JCHAIN: variants seen among roughly 807,000 people sequenced by gnomAD.
The protein encoded by JCHAIN is joining chain of multimeric IgA and IgM, also known as immunoglobulin J chain.
A neutral mutation model predicts 11.1 loss-of-function variants in JCHAIN; 5 were observed. The observed-to-expected ratio is 0.45, with a 90% CI of 0.24 to 0.95. The LOEUF is 0.95. Among genes scored for constraint, JCHAIN ranks in the 40% least tolerant of loss-of-function variants. JCHAIN has a pLI of 0.21. For synonymous variants in JCHAIN, 51 were observed against 67.8 expected, an observed-to-expected ratio of 0.75 and a Z score of 1.22; for missense variants, 165 against 192.7, an observed-to-expected ratio of 0.86 and a Z score of 0.85.
intron 2 of JCHAIN, among the ~76,000 whole-genome samples, chr4:70,660,021 C>G (rs1739024785): frequency 6.6e-6 from 1 of 152,106 alleles, no homozygotes; most frequent in South Asian, 2.1e-4. Context: ...TAAAAAGAAT[C>G]ATTTCATAAA....
chr4:70,664,872 GA>G (rs1217783169), intron 1 of JCHAIN, among the ~76,000 whole-genome samples: 3 of 152,114 alleles, frequency 2.0e-5, no homozygotes, highest in Admixed American at 6.6e-5. Flanking sequence ...AGTTAATATA[GA>G]AAAATATTAG....
intron 1 of JCHAIN, among the ~76,000 whole-genome samples, chr4:70,663,017 G>T (rs1739091264): frequency 6.6e-6 from 1 of 151,894 alleles, no homozygotes; most frequent in South Asian, 2.1e-4. Flanking sequence ...GATATAAAGT[G>T]CTGTAAATTT....
At chr4:70,656,617 C>A in intron 3 of JCHAIN, 78 bp from the exon 4 acceptor site, 1 of 1,059,572 alleles carries the variant, frequency 9.4e-7, no homozygotes. Flanking sequence ...AATCCAAAAT[C>A]AATTAGTTCT....
At chr4:70,659,484 A>G (rs1042170140) in intron 2 of JCHAIN, among the ~76,000 whole-genome samples, 3 of 128,972 alleles carry the variant, frequency 2.3e-5, no homozygotes, top group Non-Finnish European at 4.7e-5. Context: ...TGGGAGGCAG[A>G]GGTTGCAGTG....
In JCHAIN at chr4:70,662,126, T is replaced by G; in HGVS notation, c.154A>C (p.Asn52His). The G allele has an allele frequency of 6.2e-7, 1 of 1,613,542 alleles. No homozygotes were observed. The highest frequency in any genetic ancestry group is 8.5e-7 in the Non-Finnish European group (1 of 1,179,448). ...SRIIRSSEDP[N>H]EDIVERNIRI... ...ATGTTTCTCTCCACAATGTCCTCAT[T>G]AGGATCTTCGGAAGAACGGATGATC... is the stretch of plus-strand genomic sequence containing the variant. Residue 52 changes from asparagine (N) to histidine (H), a missense_variant, in exon 2 of 4, where the codon AAT becomes CAT. Transcript: ENST00000254801.
Position 70,655,733 on chromosome 4 carries a change from G to A in JCHAIN, c.*596C>T, listed in dbSNP as rs908906754. The A allele has an allele frequency of 9.9e-5, 15 of 151,908 alleles. No homozygotes were observed. Among genetic ancestry groups the A allele is most frequent in the Admixed American group, 9.2e-4 (14 of 15,260 alleles). The allele number at this position is 151,908 out of a possible 1,614,324, so 9.4% of individuals were successfully genotyped here. A position where few individuals can be genotyped will look rare whatever the true frequency, so the allele number is the denominator to read the frequency against. ...TTATGTCCAAATATATTTTAATTAT[G>A]CATTTATTTTGCTACTTTTATAAAT... On this transcript the variant is annotated 3_prime_UTR_variant, in exon 4 of 4. Coordinates refer to ENST00000254801, the MANE Select transcript of JCHAIN (RefSeq NM_144646.4).
chr4:70,666,165 A>G (rs1026185678), intron 1 of JCHAIN, among the ~76,000 whole-genome samples: 1 of 152,214 alleles, frequency 6.6e-6, no homozygotes, highest in Admixed American at 6.5e-5. Context: ...ATGGACATTC[A>G]TATAAGCAGG....
At chr4:70,660,591 C>T (rs937328285) in intron 2 of JCHAIN, among the ~76,000 whole-genome samples, 1 of 152,058 alleles carries the variant, frequency 6.6e-6, no homozygotes, top group Non-Finnish European at 1.5e-5. Context: ...ACCATGTTGG[C>T]CAGGCTCGTC....
At chr4:70,662,880 A>G (rs1187223817) in intron 1 of JCHAIN, among the ~76,000 whole-genome samples, 2 of 151,826 alleles carry the variant, frequency 1.3e-5, no homozygotes, top group Non-Finnish European at 2.9e-5. Context: ...AATCACTTGA[A>G]CCTGGGAGGT....
intron 2 of JCHAIN, 41 bp downstream of exon 2, chr4:70,662,050 CT>C: frequency 6.3e-7 from 1 of 1,598,536 alleles, no homozygotes; most frequent in Non-Finnish European, 8.6e-7. Flanking sequence ...GAAAGTATCT[CT>C]GCTTAGAACA....
At chr4:70,660,334 A>G (rs1384653281) in intron 2 of JCHAIN, among the ~76,000 whole-genome samples, 1 of 152,022 alleles carries the variant, frequency 6.6e-6, no homozygotes, top group Non-Finnish European at 1.5e-5. Context: ...CAGATGTAAA[A>G]GCACTGTGAA....
chr4:70,664,962 G>A (rs1048812013), intron 1 of JCHAIN, among the ~76,000 whole-genome samples: 20 of 152,284 alleles, frequency 1.3e-4, no homozygotes, highest in African/African-American at 4.8e-4. Context: ...TTAGAGTCTA[G>A]CATTTGCTCT....
Position 70,659,707 on chromosome 4 carries a change from C to CA in JCHAIN, c.188+2384dup, listed in dbSNP as rs111299017. Among the ~76,000 whole-genome samples the CA allele has an allele frequency of 2.4e-3, 353 of 148,946 alleles. 1 individual carries two copies. The highest frequency in any genetic ancestry group is 3.5e-3 in the African/African-American group (140 of 40,496). ...TGAAACCTCATCTCTACTAAAAATACAAAAAAAAACTAGCTGGGCATGGTG... is the reference window on the plus strand; with the variant it reads ...TGAAACCTCATCTCTACTAAAAATACAAAAAAAAAACTAGCTGGGCATGGTG... On this transcript the variant is annotated intron_variant, in intron 2 of 3. Coordinates refer to ENST00000254801, the MANE Select transcript of JCHAIN (RefSeq NM_144646.4).
chr4:70,656,621 T>C, intron 3 of JCHAIN, 82 bp from the exon 4 acceptor site: 1 of 1,000,384 alleles, frequency 1.0e-6, no homozygotes, highest in South Asian at 1.4e-5. Context: ...CAAAATCAAT[T>C]AGTTCTTGCA....
intron 3 of JCHAIN, 65 bp downstream of exon 3, chr4:70,657,146 C>A: frequency 1.2e-6 from 1 of 827,504 alleles, no homozygotes; most frequent in Non-Finnish European, 2.0e-6. Context: ...TTCTTACTAA[C>A]AAGGTTAAAA....
chr4:70,664,423 C>T (rs879551355), intron 1 of JCHAIN, among the ~76,000 whole-genome samples: 2 of 151,898 alleles, frequency 1.3e-5, no homozygotes, highest in African/African-American at 2.4e-5. Flanking sequence ...ATTCCTGAGA[C>T]GATTCCCAGA....
chr4:70,656,239 C>T lies in JCHAIN; in HGVS notation c.*90G>A. The T allele has an allele frequency of 1.7e-5, 14 of 842,318 alleles. No individual in the cohort carries two copies. The highest frequency in any genetic ancestry group is 7.7e-5 in the South Asian group (4 of 52,084). The allele number at this position is 842,318 out of a possible 1,614,324, so 52.2% of individuals were successfully genotyped here. A position where few individuals can be genotyped will look rare whatever the true frequency, so the allele number is the denominator to read the frequency against. ...CAAAAAAAAAAAAAAGCCCTGGTTT[C>T]AAATTCATTGGTAATAAATATGCTA... On this transcript the variant is annotated 3_prime_UTR_variant, in exon 4 of 4. Transcript: ENST00000254801.
chr4:70,665,908 G>A, intron 1 of JCHAIN: 1 of 324,018 alleles, frequency 3.1e-6, no homozygotes. Context: ...TGAAAGATCA[G>A]TAAACAAAAT....
intron 1 of JCHAIN, among the ~76,000 whole-genome samples, chr4:70,664,572 A>T (rs1560411913): frequency 6.6e-6 from 1 of 152,194 alleles, no homozygotes. Context: ...TAAGTTCCTA[A>T]TGAATCTTCT....
Sources: gnomAD v4.1 joint callset for allele counts (sites outside exome capture counted in the v4.1 genomes callset) on GRCh38, gnomAD v4.1.1 for gene constraint, MANE v1.5 for transcripts, NCBI Gene and HGNC (gene_info 2026-07-23, HGNC 2026-07-21) for gene names.